The following MLLT10 variants were observed in gnomAD, a reference collection of about 807,000 sequenced individuals.
The protein encoded by MLLT10 is MLLT10 histone lysine methyltransferase DOT1L cofactor.
A neutral mutation model predicts 129.1 loss-of-function variants in MLLT10; 30 were observed. That is an observed-to-expected ratio of 0.23 (90% confidence interval 0.17 to 0.32). The LOEUF is 0.32. Among genes scored for constraint, MLLT10 ranks in the 10% least tolerant of loss-of-function variants. MLLT10 has a pLI of 1.00. For synonymous variants in MLLT10, 490 were observed against 446.4 expected (o/e 1.10, Z -1.23); for missense variants, 1,119 against 1,268.3 (o/e 0.88, Z 1.79).
intron 9 of MLLT10, among the ~76,000 whole-genome samples, chr10:21,657,391 T>C (rs1482110682): frequency 5.8e-5 from 4 of 68,768 alleles, no homozygotes; most frequent in African/African-American, 2.5e-4. Flanking sequence ...AGACTCTGTC[T>C]CAAAAAAAAA....
At chr10:21,548,579 C>T (rs140260507) in intron 3 of MLLT10, among the ~76,000 whole-genome samples, 3 of 151,934 alleles carry the variant, frequency 2.0e-5, no homozygotes, top group South Asian at 2.1e-4. Context: ...CCATGTGAGC[C>T]GAGATGGTCT....
chr10:21,718,306 G>A (rs1049597118), intron 14 of MLLT10, among the ~76,000 whole-genome samples: 7 of 152,110 alleles, frequency 4.6e-5, no homozygotes, highest in Non-Finnish European at 8.8e-5. Context: ...CGGGAAGAGC[G>A]GACTCCTGTC....
At chr10:21,591,770 C>G (rs1172085500) in intron 4 of MLLT10, among the ~76,000 whole-genome samples, 3 of 148,886 alleles carry the variant, frequency 2.0e-5, no homozygotes, top group Non-Finnish European at 4.5e-5. Context: ...GTTGCCCAGG[C>G]TGGACTGCAG....
chr10:21,660,261 C>A (rs920080457), intron 9 of MLLT10, among the ~76,000 whole-genome samples: 4 of 148,342 alleles, frequency 2.7e-5, no homozygotes, highest in African/African-American at 9.8e-5. Flanking sequence ...AGCCACCATG[C>A]CTGGCCACTT....
rs1196574282 is a variant in MLLT10, at chr10:21,534,308, C to G, written c.-213C>G. On this transcript the variant is annotated 5_prime_UTR_variant, in exon 1 of 23. Coordinates refer to ENST00000307729, the MANE Select transcript of MLLT10 (RefSeq NM_001195626.3). ...TCGCTGCCCCTGGCCCAGCGGGAGC[C>G]CCCCCTCCCCCCAGTGCGCCTGTGC... The G allele has an allele frequency of 2.6e-6, 1 of 381,962 alleles. No homozygotes were observed. The highest frequency in any genetic ancestry group is 2.1e-5 in the African/African-American group (1 of 47,850). The allele number at this position is 381,962 out of a possible 1,614,324, so 23.7% of individuals were successfully genotyped here.
At chr10:21,721,224 T>C (rs1244373598) in intron 14 of MLLT10, among the ~76,000 whole-genome samples, 2 of 152,210 alleles carry the variant, frequency 1.3e-5, no homozygotes, top group African/African-American at 4.8e-5. Context: ...TTGCTATATA[T>C]AACCTGTTCC....
intron 14 of MLLT10, among the ~76,000 whole-genome samples, chr10:21,723,243 T>A (rs1173923976): frequency 5.9e-5 from 9 of 152,144 alleles, no homozygotes; most frequent in Admixed American, 5.2e-4. Flanking sequence ...TATATATAGA[T>A]CTAATAGATA....
chr10:21,579,434 T>C (rs897638370), intron 3 of MLLT10, among the ~76,000 whole-genome samples: 6 of 151,924 alleles, frequency 3.9e-5, no homozygotes, highest in Non-Finnish European at 8.8e-5. Context: ...TCATATTCTT[T>C]CTCTCTTCTT....
At chr10:21,633,469 C>G (rs933830044) in intron 8 of MLLT10, among the ~76,000 whole-genome samples, 2 of 152,042 alleles carry the variant, frequency 1.3e-5, no homozygotes, top group African/African-American at 4.8e-5. Context: ...CTTTGGGAGG[C>G]CAAGGCGGGT....
intron 3 of MLLT10, among the ~76,000 whole-genome samples, chr10:21,545,243 C>CTT (rs55655739): frequency 1.4e-5 from 2 of 142,354 alleles, no homozygotes; most frequent in East Asian, 2.0e-4. Context: ...AACCACATGC[C>CTT]TTTTTTTTTT....
At chr10:21,659,947 A>C (rs923579916) in intron 9 of MLLT10, among the ~76,000 whole-genome samples, 1 of 151,880 alleles carries the variant, frequency 6.6e-6, no homozygotes, top group Non-Finnish European at 1.5e-5. Flanking sequence ...ATCCTGTTGA[A>C]ATTTCTGTGT....
chr10:21,646,369 A>G (rs1273721427), intron 8 of MLLT10, among the ~76,000 whole-genome samples: 3 of 152,094 alleles, frequency 2.0e-5, no homozygotes, highest in Non-Finnish European at 4.4e-5. Flanking sequence ...TGGTAATGTT[A>G]TTATTATAAA....
At chr10:21,641,480 C>T (rs2047997161) in intron 8 of MLLT10, among the ~76,000 whole-genome samples, 1 of 152,148 alleles carries the variant, frequency 6.6e-6, no homozygotes, top group African/African-American at 2.4e-5. Context: ...GAGACCCTGT[C>T]TGTATAGAAG....
intron 2 of MLLT10, among the ~76,000 whole-genome samples, chr10:21,536,512 CTG>C (rs1223344517): frequency 6.6e-6 from 1 of 152,190 alleles, no homozygotes; most frequent in African/African-American, 2.4e-5. Flanking sequence ...GGCAATGATG[CTG>C]TGTTTTGGAC....
At chr10:21,576,254 T>A (rs1303965446) in intron 3 of MLLT10, among the ~76,000 whole-genome samples, 1 of 150,426 alleles carries the variant, frequency 6.6e-6, no homozygotes, top group African/African-American at 2.4e-5. Context: ...TTTTTTTTTT[T>A]TTTTTTGAGA....
intron 13 of MLLT10, among the ~76,000 whole-genome samples, chr10:21,700,457 AAATTTTAGCTTT>A (rs1263360549): frequency 6.6e-6 from 1 of 152,098 alleles, no homozygotes; most frequent in African/African-American, 2.4e-5. Context: ...CTTAGAGGAA[AAATTTTAGCTTT>A]TTCCTGTTGA....
intron 3 of MLLT10, among the ~76,000 whole-genome samples, chr10:21,583,681 C>A (rs2041695783): frequency 6.6e-6 from 1 of 152,034 alleles, no homozygotes; most frequent in African/African-American, 2.4e-5. Context: ...GCTCTTTTTA[C>A]CAATCAGATC....
intron 13 of MLLT10, among the ~76,000 whole-genome samples, chr10:21,683,100 G>T (rs1363122834): frequency 6.6e-6 from 1 of 152,150 alleles, no homozygotes; most frequent in Non-Finnish European, 1.5e-5. Context: ...CAGTCGATTT[G>T]TGTTGCGTTT....
In MLLT10 at chr10:21,673,765, T is replaced by G; in HGVS notation, c.1467T>G (p.Asn489Lys). Residue 489 changes from asparagine (N) to lysine (K), a missense_variant, in exon 11 of 23, where the codon AAT becomes AAG. Asn to Lys is a moderately conservative substitution (Grantham distance 94). Coordinates refer to ENST00000307729, the MANE Select transcript of MLLT10 (RefSeq NM_001195626.3). ...CCAAAGGAAACAAAAATCAAGAGAATGTTTCTCATCTCTCAGTTTCTTCTG... is the reference window on the plus strand; with the variant it reads ...CCAAAGGAAACAAAAATCAAGAGAAGGTTTCTCATCTCTCAGTTTCTTCTG... ...GRPKGNKNQENVSHLSVSSAS... is the reference protein window; with the variant it reads ...GRPKGNKNQEKVSHLSVSSAS... 6.2e-7 allele frequency: 1 copy of G among 1,614,100 alleles called. No individual in the cohort carries two copies. Among genetic ancestry groups the G allele is most frequent in the South Asian group, 1.1e-5 (1 of 91,080 alleles).
Sources: gnomAD v4.1 joint callset for allele counts (sites outside exome capture counted in the v4.1 genomes callset) on GRCh38, gnomAD v4.1.1 for gene constraint, MANE v1.5 for transcripts, NCBI Gene and HGNC (gene_info 2026-07-23, HGNC 2026-07-21) for gene names.